FRMD3: variants seen among roughly 807,000 people sequenced by gnomAD.
The protein encoded by FRMD3 is FERM domain containing 3, also known as FERM domain-containing protein 3.
A neutral mutation model predicts 70.2 loss-of-function variants in FRMD3; 33 were observed. That is an observed-to-expected ratio of 0.47 (90% confidence interval 0.36 to 0.63). FRMD3 has a LOEUF of 0.63. Among genes scored for constraint, FRMD3 ranks in the 20% least tolerant of loss-of-function variants. The pLI is 0.00. For synonymous variants in FRMD3, 279 were observed against 255.9 expected, an observed-to-expected ratio of 1.09 and a Z score of -0.86; for missense variants, 632 against 711.4, an observed-to-expected ratio of 0.89 and a Z score of 1.27.
At chr9:83,292,412 G>A (rs1053213862) in intron 12 of FRMD3, among the ~76,000 whole-genome samples, 9 of 151,892 alleles carry the variant, frequency 5.9e-5, no homozygotes, top group African/African-American at 1.9e-4. Context: ...TGCCCATCTC[G>A]GCCTCCCAAA....
At chr9:83,450,074 C>T (rs1385167628) in intron 1 of FRMD3, among the ~76,000 whole-genome samples, 1 of 138,826 alleles carries the variant, frequency 7.2e-6, no homozygotes, top group Non-Finnish European at 1.5e-5. Flanking sequence ...CAGAAGCACC[C>T]ATAAAGAAAA....
chr9:83,516,618 G>A lies in FRMD3; in HGVS notation c.147+21467C>T, dbSNP rs575878626. ...ACTTGAACTCAGCTTTGGACCAAGC[G>A]AACCTAATAGACATCTTCAGAACTC... On this transcript the variant is annotated intron_variant, in intron 1 of 13. Coordinates refer to ENST00000304195, the MANE Select transcript of FRMD3 (RefSeq NM_174938.6). 9.2e-5 allele frequency among the ~76,000 whole-genome samples: 14 copies of A among 152,126 alleles called. No individual in the cohort carries two copies. In the South Asian group the frequency reaches 1.9e-3, roughly 20 times the overall value.
chr9:83,545,111 T>G, the FRMD3 span, among the ~76,000 whole-genome samples: 2 of 151,946 alleles, frequency 1.3e-5, no homozygotes, highest in South Asian at 2.1e-4. Flanking sequence ...AAGAGAAAGT[T>G]GAAAAACAAC....
intron 1 of FRMD3, among the ~76,000 whole-genome samples, chr9:83,394,392 G>A (rs1226103101): frequency 1.3e-5 from 2 of 152,146 alleles, no homozygotes; most frequent in African/African-American, 4.8e-5. Context: ...CTGGGTAAGA[G>A]TGGGCTAACC....
intron 1 of FRMD3, among the ~76,000 whole-genome samples, chr9:83,473,946 A>G (rs1828332362): frequency 6.6e-6 from 1 of 152,188 alleles, no homozygotes; most frequent in Non-Finnish European, 1.5e-5. Context: ...GAGGTTAACA[A>G]CTTCTGGCTC....
chr9:83,454,801 A>G (rs77379514), intron 1 of FRMD3, among the ~76,000 whole-genome samples: 4,603 of 152,216 alleles, frequency 0.03, 235 homozygotes, highest in African/African-American at 0.11. Flanking sequence ...ATCTTTGCAA[A>G]CATTTTTTAA....
chr9:83,299,243 T>C, intron 10 of FRMD3, 57 bp from the exon 11 acceptor site: 4 of 1,118,822 alleles, frequency 3.6e-6, no homozygotes, highest in East Asian at 2.4e-5. Flanking sequence ...ACTTACAACA[T>C]GCTATAGAGG....
upstream of FRMD3, among the ~76,000 whole-genome samples, chr9:83,542,323 A>G (rs901816384): frequency 2.0e-5 from 3 of 152,214 alleles, no homozygotes; most frequent in Admixed American, 1.3e-4. Flanking sequence ...TGCATCTTGA[A>G]TTTTTTCATT....
chr9:83,288,458 A>G (rs1834298945), intron 13 of FRMD3, among the ~76,000 whole-genome samples: 1 of 152,212 alleles, frequency 6.6e-6, no homozygotes, highest in East Asian at 1.9e-4. Flanking sequence ...TTTTTAATTG[A>G]GTCTATATCA....
chr9:83,505,797 T>C (rs181576121), intron 1 of FRMD3, among the ~76,000 whole-genome samples: 2 of 152,300 alleles, frequency 1.3e-5, no homozygotes, highest in South Asian at 2.1e-4. Flanking sequence ...GAAAGTGTTG[T>C]GGCCTTAGCA....
At chr9:83,313,049 G>A (rs13286515) in intron 7 of FRMD3, among the ~76,000 whole-genome samples, 27,419 of 152,152 alleles carry the variant, frequency 0.18, 2,560 homozygotes, top group African/African-American at 0.22. Flanking sequence ...AAAGAAGAAC[G>A]TTGCTTCAGT....
At chr9:83,510,041 G>T (rs996783011) in intron 1 of FRMD3, among the ~76,000 whole-genome samples, 9 of 152,202 alleles carry the variant, frequency 5.9e-5, no homozygotes, top group African/African-American at 2.2e-4. Context: ...AATTAAAAAA[G>T]GCCACTGGAA....
Position 83,418,514 on chromosome 9 carries a change from C to T in FRMD3, c.148-28806G>A, listed in dbSNP as rs572358109. 3.9e-5 allele frequency among the ~76,000 whole-genome samples: 6 copies of T among 152,092 alleles called. No homozygotes were observed. In the East Asian group the frequency reaches 5.8e-4, roughly 15 times the overall value. ...AGAAGATATGCAAACAGCCAGTAAA[C>T]GTATGAAAAAAATGCTCAACATCAC... On this transcript the variant is annotated intron_variant, in intron 1 of 13. Transcript: ENST00000304195.
intron 10 of FRMD3, among the ~76,000 whole-genome samples, chr9:83,301,754 G>C (rs987028874): frequency 7.9e-5 from 12 of 152,204 alleles, no homozygotes; most frequent in Non-Finnish European, 1.0e-4. Context: ...GCCTCTTAGA[G>C]GGAAGTCTCA....
intron 6 of FRMD3, 89 bp downstream of exon 6, chr9:83,335,427 T>C (rs1232826641): frequency 5.2e-6 from 7 of 1,356,010 alleles, no homozygotes; most frequent in Non-Finnish European, 7.1e-6. Flanking sequence ...TTACAAATAT[T>C]CCTCCTTCAC....
intron 1 of FRMD3, among the ~76,000 whole-genome samples, chr9:83,417,651 A>T (rs3860917): frequency 6.6e-6 from 1 of 152,032 alleles, no homozygotes; most frequent in African/African-American, 2.4e-5. Flanking sequence ...TCCAGGAAGA[A>T]ATTTAGAATG....
chr9:83,359,762 G>T (rs1824524001), intron 3 of FRMD3, among the ~76,000 whole-genome samples: 1 of 152,088 alleles, frequency 6.6e-6, no homozygotes, highest in Admixed American at 6.6e-5. Context: ...AACATAGGTG[G>T]TGACTAGGTG....
chr9:83,503,668 A>C (rs1019454134), intron 1 of FRMD3, among the ~76,000 whole-genome samples: 1 of 152,208 alleles, frequency 6.6e-6, no homozygotes, highest in African/African-American at 2.4e-5. Flanking sequence ...CTGAGTGCGC[A>C]GACATTTCTT....
At position 83,469,191 on chromosome 9, in the gene FRMD3, C is replaced by A. The variant is rs554844725; in HGVS notation, c.147+68894G>T. Among the ~76,000 whole-genome samples the A allele has an allele frequency of 2.6e-5, 4 of 152,298 alleles. No homozygotes were observed. The South Asian group carries it at 8.3e-4, about 32-fold the overall frequency. ...TGGCTGGAGACAGTCCATCGCCAAGCAAATAAAGCCACCCAAATCAAAGAC... is the reference window on the plus strand; with the variant it reads ...TGGCTGGAGACAGTCCATCGCCAAGAAAATAAAGCCACCCAAATCAAAGAC... On this transcript the variant is annotated intron_variant, in intron 1 of 13. Transcript: ENST00000304195.
Sources: gnomAD v4.1 joint callset for allele counts (sites outside exome capture counted in the v4.1 genomes callset) on GRCh38, gnomAD v4.1.1 for gene constraint, MANE v1.5 for transcripts, NCBI Gene and HGNC (gene_info 2026-07-23, HGNC 2026-07-21) for gene names.